MAGI1: variants seen among roughly 807,000 people sequenced by gnomAD.
MAGI1 encodes the protein membrane associated guanylate kinase, WW and PDZ domain containing 1, also known as membrane-associated guanylate kinase, WW and PDZ domain-containing protein 1.
In MAGI1, 58 loss-of-function variants were observed where a neutral mutation model predicts 139.9. The ratio of observed to expected loss-of-function variants is 0.41; its 90% confidence interval spans 0.34 to 0.52. The LOEUF is 0.52. Ranked by LOEUF, MAGI1 falls within the 20% of genes least tolerant of loss-of-function variation. MAGI1 has a pLI of 0.12. For missense variants in MAGI1, 1,874 were observed against 1,901.6 expected (o/e 0.99, Z 0.27); for synonymous variants, 812 against 737.9 (o/e 1.10, Z -1.63).
intron 1 of MAGI1, among the ~76,000 whole-genome samples, chr3:65,828,000 A>C (rs1320879088): frequency 6.6e-6 from 1 of 152,170 alleles, no homozygotes; most frequent in South Asian, 2.1e-4. Context: ...ACCAGGAACC[A>C]CTCACTCACT....
intron 1 of MAGI1, among the ~76,000 whole-genome samples, chr3:65,637,679 C>A (rs888684673): frequency 6.6e-6 from 1 of 152,138 alleles, no homozygotes; most frequent in Non-Finnish European, 1.5e-5. Flanking sequence ...TATGCACATG[C>A]ATATATTTCC....
intron 1 of MAGI1, among the ~76,000 whole-genome samples, chr3:65,829,104 G>T (rs12629397): frequency 0.48 from 73,430 of 152,098 alleles, 18,906 homozygotes; most frequent in East Asian, 0.76. Flanking sequence ...TTTTAGCCCA[G>T]TGACATCCAC....
At chr3:65,447,906 A>C in intron 7 of MAGI1, 116 bp downstream of exon 7, 4 of 1,169,972 alleles carry the variant, frequency 3.4e-6, no homozygotes, top group Non-Finnish European at 5.2e-6. Context: ...AATGAAAATC[A>C]TAATTGGAGG....
chr3:65,860,581 G>A (rs1336104826), intron 1 of MAGI1, among the ~76,000 whole-genome samples: 2 of 152,186 alleles, frequency 1.3e-5, no homozygotes, highest in Non-Finnish European at 2.9e-5. Flanking sequence ...TCTAACAGGA[G>A]CCATGGGGAT....
At chr3:65,812,884 A>AT (rs1194271927) in intron 1 of MAGI1, among the ~76,000 whole-genome samples, 6 of 150,978 alleles carry the variant, frequency 4.0e-5, no homozygotes, top group Non-Finnish European at 3.0e-5. Context: ...TAATTTTTGT[A>AT]TTTTTTAGCA....
intron 1 of MAGI1, among the ~76,000 whole-genome samples, chr3:65,931,158 G>A (rs1437374509): frequency 1.3e-5 from 2 of 151,686 alleles, no homozygotes; most frequent in Admixed American, 6.6e-5. Context: ...TCAGCCTCCC[G>A]AGTAGCTGAG....
intron 2 of MAGI1, among the ~76,000 whole-genome samples, chr3:65,598,155 C>T (rs2082313237): frequency 6.6e-6 from 1 of 151,976 alleles, no homozygotes. Flanking sequence ...AAGAGCATTA[C>T]ATCACAGAGC....
At chr3:65,899,066 C>T (rs1434074492) in intron 1 of MAGI1, among the ~76,000 whole-genome samples, 2 of 152,034 alleles carry the variant, frequency 1.3e-5, no homozygotes, top group African/African-American at 4.8e-5. Context: ...GGACTACAGG[C>T]ACACACCACC....
chr3:65,383,316 C>A (rs1943195492), intron 15 of MAGI1, among the ~76,000 whole-genome samples: 1 of 152,198 alleles, frequency 6.6e-6, no homozygotes, highest in African/African-American at 2.4e-5. Context: ...CCACCTTTCA[C>A]AAACACTCAT....
chr3:65,399,606 G>A (rs1292183223), intron 13 of MAGI1, among the ~76,000 whole-genome samples: 1 of 152,194 alleles, frequency 6.6e-6, no homozygotes, highest in African/African-American at 2.4e-5. Context: ...TGGTAATTAA[G>A]AACCAGCAGA....
chr3:65,624,377 C>A (rs1356633952), intron 1 of MAGI1, among the ~76,000 whole-genome samples: 2 of 152,054 alleles, frequency 1.3e-5, no homozygotes, highest in Non-Finnish European at 2.9e-5. Flanking sequence ...ACCCAAATGT[C>A]CATCGAAAGG....
intron 2 of MAGI1, among the ~76,000 whole-genome samples, chr3:65,602,095 T>C (rs768636089): frequency 3.9e-5 from 6 of 152,102 alleles, no homozygotes; most frequent in African/African-American, 7.2e-5. Context: ...ATGTTGATAA[T>C]TGGAAGTGTC....
chr3:65,487,293 A>T (rs1951695578), intron 3 of MAGI1, among the ~76,000 whole-genome samples: 1 of 152,238 alleles, frequency 6.6e-6, no homozygotes, highest in Non-Finnish European at 1.5e-5. Flanking sequence ...ATTTAAATAA[A>T]GTGTCTTGTT....
At chr3:65,708,274 G>C (rs2030738404) in intron 1 of MAGI1, among the ~76,000 whole-genome samples, 1 of 152,148 alleles carries the variant, frequency 6.6e-6, no homozygotes, top group Non-Finnish European at 1.5e-5. Context: ...ATAAAGAGAT[G>C]GTAGTAAACG....
intron 1 of MAGI1, among the ~76,000 whole-genome samples, chr3:65,839,861 A>G (rs946524830): frequency 3.9e-5 from 6 of 152,230 alleles, no homozygotes; most frequent in African/African-American, 1.4e-4. Flanking sequence ...TCATGTTGTA[A>G]AGCATCTTTA....
chr3:65,419,697 C>T (rs1946503431), intron 12 of MAGI1, among the ~76,000 whole-genome samples: 1 of 152,162 alleles, frequency 6.6e-6, no homozygotes, highest in African/African-American at 2.4e-5. Context: ...AGCAAAGATT[C>T]CTCCCAGGTC....
intron 1 of MAGI1, among the ~76,000 whole-genome samples, chr3:65,802,178 T>C (rs1242307084): frequency 6.6e-6 from 1 of 152,178 alleles, no homozygotes; most frequent in Non-Finnish European, 1.5e-5. Context: ...TCAGTTAAAA[T>C]TTTTCTGAGA....
chr3:65,759,616 A>G (rs1003693650), intron 1 of MAGI1, among the ~76,000 whole-genome samples: 1 of 152,222 alleles, frequency 6.6e-6, no homozygotes, highest in African/African-American at 2.4e-5. Context: ...TTCAAGTTAT[A>G]TGGAGCACAA....
chr3:65,812,462 T>TCACACACACACA (rs1442446498), intron 1 of MAGI1, among the ~76,000 whole-genome samples: 1 of 93,706 alleles, frequency 1.1e-5, no homozygotes, highest in African/African-American at 3.9e-5. Flanking sequence ...TCTCTCTCTC[T>TCACACACACACA]CTCTCTCACA....
Sources: gnomAD v4.1 joint callset for allele counts (sites outside exome capture counted in the v4.1 genomes callset) on GRCh38, gnomAD v4.1.1 for gene constraint, MANE v1.5 for transcripts, NCBI Gene and HGNC (gene_info 2026-07-23, HGNC 2026-07-21) for gene names.